Variants in CPOX observed in about 807,000 individuals in gnomAD.
CPOX encodes coproporphyrinogen oxidase, also known as oxygen-dependent coproporphyrinogen-III oxidase, mitochondrial.
In CPOX, 24 loss-of-function variants were observed where a neutral mutation model predicts 48.9. The ratio of observed to expected loss-of-function variants is 0.49; its 90% CI spans 0.36 to 0.69. The LOEUF (loss-of-function observed/expected upper bound fraction) is 0.69. CPOX is among the 30% of genes least tolerant of loss of function. The probability of loss-of-function intolerance (pLI) is 0.00; values close to 1 mark genes in which losing one functional copy is unlikely to be tolerated. For missense variants in CPOX, 549 were observed against 597.3 expected, an observed-to-expected ratio of 0.92 and a Z score of 0.84; for synonymous variants, 249 against 234.6, an observed-to-expected ratio of 1.06 and a Z score of -0.56.
downstream of CPOX, among the ~76,000 whole-genome samples, chr3:98,575,883 C>T (rs1249396209): frequency 6.6e-6 from 1 of 151,006 alleles, no homozygotes; most frequent in Non-Finnish European, 1.5e-5. Context: ...GCCTGGCCAA[C>T]ATGGTGAAAC....
downstream of CPOX, chr3:98,578,092 T>C (rs746231360): frequency 9.7e-5 from 17 of 174,866 alleles, no homozygotes; most frequent in Non-Finnish European, 1.6e-4. Context: ...ATAAGACAGT[T>C]AGGTGTTCAG....
chr3:98,590,826 T>A, intron 2 of CPOX, 84 bp from the exon 3 acceptor site: 2 of 1,244,052 alleles, frequency 1.6e-6, no homozygotes, highest in Non-Finnish European at 1.2e-6. Context: ...GATTTCCAAG[T>A]CAATTTTCAA....
chr3:98,590,585 T>C lies in CPOX; in HGVS notation c.811+47A>G, dbSNP rs377214011. ...TTATGCCCTCTTATCTGTTTTAAAA[T>C]GCACATTTTGCACGACAGTACTTTC... On this transcript the variant is annotated intron_variant, in intron 3 of 6. Transcript: ENST00000647941. The C allele has an allele frequency of 1.7e-4, 220 of 1,278,836 alleles. 1 individual carries two copies. Among genetic ancestry groups the C allele is most frequent in the Non-Finnish European group, 2.3e-4 (199 of 874,574 alleles). 79.2% of individuals were successfully genotyped at this position (1,278,836 alleles called of 1,614,324 possible). A position where few individuals can be genotyped will look rare whatever the true frequency, so the allele number is the denominator to read the frequency against.
intron 4 of CPOX, among the ~76,000 whole-genome samples, chr3:98,586,465 T>A (rs1414896981): frequency 6.6e-6 from 1 of 152,078 alleles, no homozygotes; most frequent in African/African-American, 2.4e-5. Flanking sequence ...AGAAATAAAA[T>A]TTGATGGTTC....
intron 4 of CPOX, among the ~76,000 whole-genome samples, chr3:98,588,401 A>G (rs967496197): frequency 2.0e-5 from 3 of 152,222 alleles, no homozygotes; most frequent in African/African-American, 7.2e-5. Context: ...CTCATCTGGA[A>G]TAAGAATTTA....
the CPOX span, among the ~76,000 whole-genome samples, chr3:98,571,386 A>G: frequency 9.2e-5 from 14 of 152,314 alleles, no homozygotes; most frequent in East Asian, 1.9e-3. Flanking sequence ...ATAAATATTT[A>G]AGGCTTTAAG....
rs1314418971 is a variant in CPOX at position 98,588,775 on chromosome 3, G to A, written c.891C>T (p.His297=). 6 of 1,614,036 alleles carry A rather than the reference G, an allele frequency of 3.7e-6. No individual in the cohort carries two copies. The highest frequency in any genetic ancestry group is 4.2e-6 in the Non-Finnish European group (5 of 1,180,020). The change falls in exon 4 of 7, where the codon CAC becomes CAT. Residue 297 remains histidine (H), a synonymous_variant. Coordinates refer to ENST00000647941, the MANE Select transcript of CPOX (RefSeq NM_000097.7). ...GGTCACAAGCCTCCTTCAGAGTTCT[G>A]TGAAAATGGACAGCGTCTTCTTGAT... ...YLNQEDAVHF[H]RTLKEACDQH... is the part of the protein sequence containing the mutation.
chr3:98,587,651 T>C (rs1707390158), intron 4 of CPOX, among the ~76,000 whole-genome samples: 1 of 151,656 alleles, frequency 6.6e-6, no homozygotes, highest in African/African-American at 2.4e-5. Context: ...ATCAGGGCTC[T>C]GCCCAATCAC....
At chr3:98,586,330 G>A (rs1266767698) in intron 4 of CPOX, among the ~76,000 whole-genome samples, 1 of 152,166 alleles carries the variant, frequency 6.6e-6, no homozygotes, top group Non-Finnish European at 1.5e-5. Context: ...TGCTTTTGTA[G>A]GAGGCAGGAG....
intron 4 of CPOX, chr3:98,585,885 T>G (rs1019331007): frequency 6.2e-6 from 3 of 481,598 alleles, no homozygotes; most frequent in African/African-American, 6.0e-5. Context: ...TTTTCTTTTT[T>G]TTTTTGAGAC....
At chr3:98,588,618 C>A in intron 4 of CPOX, 95 bp downstream of exon 4, 1 of 1,329,404 alleles carries the variant, frequency 7.5e-7, no homozygotes, top group South Asian at 1.2e-5. Flanking sequence ...GTTCCATTTT[C>A]ATAAGCAGAA....
At chr3:98,591,738 T>C (rs1707481917) in intron 1 of CPOX, among the ~76,000 whole-genome samples, 1 of 152,184 alleles carries the variant, frequency 6.6e-6, no homozygotes, top group Non-Finnish European at 1.5e-5. Flanking sequence ...AAGGGCAATG[T>C]TTCATGAAAG....
In CPOX at chr3:98,580,056, T is replaced by A; in HGVS notation, c.*627A>T. The A allele has an allele frequency of 1.0e-6, 1 of 982,644 alleles. No individual in the cohort carries two copies. Among genetic ancestry groups the A allele is most frequent in the Non-Finnish European group, 1.2e-6 (1 of 827,146 alleles). The allele number at this position is 982,644 out of a possible 1,614,324, so 60.9% of individuals were successfully genotyped here. The stretch of plus-strand genomic sequence containing the variant: ...CTCTAAAATAATAGTAATGTCACTT[T>A]AGAGTTTACAAACTACAGAAATAAC... On this transcript the variant is annotated 3_prime_UTR_variant, in exon 7 of 7. Transcript: ENST00000647941.
In CPOX at chr3:98,588,869, C is replaced by T. The variant is rs1221865058; in HGVS notation, c.812-15G>A. The T allele has an allele frequency of 9.9e-6, 16 of 1,613,996 alleles. No homozygotes were observed. Among genetic ancestry groups the T allele is most frequent in the East Asian group, 2.2e-5 (1 of 44,892 alleles). Reference sequence around the variant, plus strand: ...CTGCTTGTTGCCTACCAAATCAAGACATGGGATTCTAATGTGGACTTTTGA... The same window carrying T: ...CTGCTTGTTGCCTACCAAATCAAGATATGGGATTCTAATGTGGACTTTTGA... On this transcript the variant is annotated splice_polypyrimidine_tract_variant and intron_variant, in intron 3 of 6. Coordinates refer to ENST00000647941, the MANE Select transcript of CPOX (RefSeq NM_000097.7).
chr3:98,573,078 A>G, the CPOX span, among the ~76,000 whole-genome samples: 1 of 152,222 alleles, frequency 6.6e-6, no homozygotes, highest in Non-Finnish European at 1.5e-5. Context: ...GAATACACAC[A>G]TTTAGATGAA....
At chr3:98,579,017 A>C (rs1008016534), downstream of CPOX, among the ~76,000 whole-genome samples, 1 of 152,064 alleles carries the variant, frequency 6.6e-6, no homozygotes, top group African/African-American at 2.4e-5. Flanking sequence ...ATTTTCTTCC[A>C]CCTCTGCCAC....
intron 4 of CPOX, 113 bp from the exon 5 acceptor site, chr3:98,585,772 C>A (rs540461912): frequency 2.2e-4 from 182 of 835,846 alleles, no homozygotes; most frequent in Admixed American, 5.0e-4. Context: ...AGGATGGTGT[C>A]CTTACTTGCT....
At chr3:98,585,087 G>C (rs562462607) in intron 5 of CPOX, among the ~76,000 whole-genome samples, 1 of 152,138 alleles carries the variant, frequency 6.6e-6, no homozygotes, top group Admixed American at 6.5e-5. Context: ...TAAGATGAAT[G>C]AAAAAAGGTG....
chr3:98,571,484 C>T, the CPOX span, among the ~76,000 whole-genome samples: 2 of 151,422 alleles, frequency 1.3e-5, no homozygotes, highest in Non-Finnish European at 2.9e-5. Context: ...GTCAGGAGAT[C>T]GAGACCATCC....
Sources: allele counts gnomAD v4.1 joint callset (sites outside exome capture counted in the v4.1 genomes callset), GRCh38; gene constraint gnomAD v4.1.1; transcripts MANE v1.5; gene names NCBI Gene and HGNC (gene_info 2026-07-23, HGNC 2026-07-21).